Variants in MEP1A observed in about 807,000 individuals in gnomAD.
The protein encoded by MEP1A is N-benzoyl-L-tyrosyl-P-amino-benzoic acid hydrolase subunit alpha.
Under a neutral mutation model 84.5 loss-of-function variants are expected in MEP1A, and 68 were observed. The observed-to-expected ratio is 0.80, with a 90% CI of 0.66 to 0.98. MEP1A has a LOEUF of 0.98. Among genes scored for constraint, MEP1A ranks in the 50% least tolerant of loss-of-function variants. The pLI, the probability that MEP1A is intolerant of heterozygous loss-of-function variation, is 0.00. For synonymous variants in MEP1A, 337 were observed against 336.8 expected, an observed-to-expected ratio of 1.00 and a Z score of -0.01; for missense variants, 887 against 919.9, an observed-to-expected ratio of 0.96 and a Z score of 0.46.
At chr6:46,819,022 G>A (rs1452400619) in intron 6 of MEP1A, among the ~76,000 whole-genome samples, 1 of 152,096 alleles carries the variant, frequency 6.6e-6, no homozygotes, top group Non-Finnish European at 1.5e-5. Flanking sequence ...GGAGGCTGAG[G>A]TGGGAAGATC....
rs542793162 is a variant in MEP1A, at chr6:46,815,637, G to T, written c.381-3892G>T. Among the ~76,000 whole-genome samples the T allele has an allele frequency of 5.3e-5, 8 of 152,242 alleles. No individual in the cohort carries two copies. The East Asian group carries it at 1.4e-3, about 26-fold the overall frequency. On this transcript the variant is annotated intron_variant, in intron 6 of 13. Transcript: ENST00000230588. ...GTCTTGGCTTTCCTGGTATGTTCCT[G>T]CAGTAGTTCTCGGAGCAAAAATTCA... is the stretch of plus-strand genomic sequence containing the variant.
At chr6:46,807,207 A>G (rs1767345072) in intron 5 of MEP1A, among the ~76,000 whole-genome samples, 1 of 151,946 alleles carries the variant, frequency 6.6e-6, no homozygotes, top group Admixed American at 6.6e-5. Flanking sequence ...CTCTTCTTAT[A>G]TTATTTGATC....
intron 6 of MEP1A, among the ~76,000 whole-genome samples, chr6:46,813,584 A>G (rs570014726): frequency 1.3e-5 from 2 of 152,084 alleles, no homozygotes; most frequent in East Asian, 1.9e-4. Flanking sequence ...TATTCTATAC[A>G]TTGTGCAATT....
chr6:46,824,843 T>TTA lies in MEP1A; in HGVS notation c.557-420_557-419dup, dbSNP rs1234322165. On this transcript the variant is annotated intron_variant, in intron 7 of 13. Coordinates refer to ENST00000230588, the MANE Select transcript of MEP1A (RefSeq NM_005588.3). ...TTAGATGTATTTAAATATATATAAA[T>TTA]TATATATATAAATTATATATTTAAA... Among the ~76,000 whole-genome samples, 4 of 72,958 alleles carry TTA rather than the reference T, an allele frequency of 5.5e-5. No homozygotes were observed. In the East Asian group the frequency reaches 9.3e-4, roughly 17 times the overall value. 47.9% of individuals were successfully genotyped at this position (72,958 alleles called of 152,430 possible).
intron 6 of MEP1A, 31 bp downstream of exon 6, chr6:46,809,568 A>G (rs777260369): frequency 2.8e-6 from 4 of 1,427,340 alleles, no homozygotes; most frequent in South Asian, 2.4e-5. Flanking sequence ...AGTGAAAATC[A>G]TGCATACTTT....
intron 5 of MEP1A, among the ~76,000 whole-genome samples, chr6:46,802,511 C>T (rs760718647): frequency 6.6e-6 from 1 of 151,570 alleles, no homozygotes; most frequent in Non-Finnish European, 1.5e-5. Context: ...TTCTTCTTGC[C>T]TTTTAATATA....
chr6:46,830,510 C>G (rs1264652035), intron 10 of MEP1A, among the ~76,000 whole-genome samples: 1 of 151,970 alleles, frequency 6.6e-6, no homozygotes, highest in African/African-American at 2.4e-5. Context: ...AGTAAGAAAG[C>G]CTGTCTCCCT....
intron 3 of MEP1A, among the ~76,000 whole-genome samples, chr6:46,795,922 G>A (rs941499097): frequency 2.6e-5 from 4 of 152,126 alleles, no homozygotes; most frequent in African/African-American, 9.7e-5. Context: ...TAGAAATGCA[G>A]CATTTGAGGA....
At chr6:46,806,608 C>T (rs998167397) in intron 5 of MEP1A, among the ~76,000 whole-genome samples, 1 of 151,996 alleles carries the variant, frequency 6.6e-6, no homozygotes, top group Non-Finnish European at 1.5e-5. Flanking sequence ...ATGGCTACTA[C>T]CTACTGAGGG....
intron 13 of MEP1A, among the ~76,000 whole-genome samples, chr6:46,836,789 AGGGATTTTT>A: frequency 8.4e-6 from 1 of 119,340 alleles, no homozygotes; most frequent in African/African-American, 3.2e-5. Flanking sequence ...ATTACTGGTC[AGGGATTTTT>A]TTTTTTTTTT....
chr6:46,829,563 C>T lies in MEP1A; in HGVS notation c.1136C>T (p.Thr379Ile). The change falls in exon 10 of 14, where the codon ACT becomes ATT. Residue 379 changes from threonine (T) to isoleucine (I), a missense_variant. Transcript: ENST00000230588. ...GTTCGCAAGTTGGTGAAGGTGCAGA[C>T]TTTTCAAGGTACTTAGAGGCATTCA... Reference protein sequence around the residue: ...GNVRKLVKVQTFQGDDDHNWK... With the variant: ...GNVRKLVKVQIFQGDDDHNWK... 1 of 1,613,404 alleles carries T rather than the reference C, an allele frequency of 6.2e-7. No homozygotes were observed. The highest frequency in any genetic ancestry group is 1.3e-5 in the African/African-American group (1 of 75,036).
intron 5 of MEP1A, among the ~76,000 whole-genome samples, chr6:46,802,135 A>C (rs918661906): frequency 2.0e-5 from 3 of 151,940 alleles, no homozygotes; most frequent in African/African-American, 7.2e-5. Flanking sequence ...TGGGATTTTG[A>C]TAGGAATGTG....
chr6:46,799,191 A>G lies in MEP1A; in HGVS notation c.262+10A>G. The G allele has an allele frequency of 1.3e-6, 2 of 1,566,426 alleles. No homozygotes were observed. The highest frequency in any genetic ancestry group is 8.8e-7 in the Non-Finnish European group (1 of 1,136,628). On this transcript the variant is annotated intron_variant, in intron 5 of 13. Transcript: ENST00000230588. ...TTGGCTGATAATTTGGGTAATATTAATTGTTCTTAATTAGGAAGTTTCAGT... is the reference window on the plus strand; with the variant it reads ...TTGGCTGATAATTTGGGTAATATTAGTTGTTCTTAATTAGGAAGTTTCAGT...
At chr6:46,842,734 TC>T (rs1768355755), downstream of MEP1A, among the ~76,000 whole-genome samples, 1 of 152,214 alleles carries the variant, frequency 6.6e-6, no homozygotes, top group African/African-American at 2.4e-5. Context: ...GTATACCCCC[TC>T]CCCTTTTAAA....
chr6:46,816,707 G>A (rs533721500), intron 6 of MEP1A, among the ~76,000 whole-genome samples: 7 of 152,212 alleles, frequency 4.6e-5, no homozygotes, highest in East Asian at 1.9e-4. Flanking sequence ...TTCATGTCAG[G>A]AGCTTTTCAT....
intron 5 of MEP1A, among the ~76,000 whole-genome samples, chr6:46,807,823 G>C (rs993984409): frequency 6.7e-6 from 1 of 149,014 alleles, no homozygotes; most frequent in East Asian, 1.9e-4. Context: ...AAGAAAGAAA[G>C]AAAGAAAGAA....
intron 9 of MEP1A, among the ~76,000 whole-genome samples, chr6:46,826,799 G>A (rs78285458): frequency 1.3e-5 from 2 of 152,154 alleles, no homozygotes; most frequent in South Asian, 2.1e-4. Flanking sequence ...GAAATATAAT[G>A]TGAGTCACAT....
rs754853216 is a variant in MEP1A, at chr6:46,833,118, G to T, written c.1189G>T (p.Glu397Ter). The part of the protein sequence containing the change: ...NWKIAHVVLK[E>*]EQKFRYLFQG... Reference sequence around the variant, plus strand: ...GAAAATTGCCCATGTGGTGCTCAAAGAGGAACAGAAGTTTCGCTACCTTTT... The same window carrying T: ...GAAAATTGCCCATGTGGTGCTCAAATAGGAACAGAAGTTTCGCTACCTTTT... Residue 397 changes from glutamate (E) to a stop codon, truncating the protein, a stop_gained, in exon 11 of 14, where the codon GAG (glutamate) becomes TAG (stop). Coordinates refer to ENST00000230588, the MANE Select transcript of MEP1A (RefSeq NM_005588.3). LOFTEE classifies it high-confidence loss of function. 1.3e-6 allele frequency: 2 copies of T among 1,543,234 alleles called. No individual in the cohort carries two copies. The highest frequency in any genetic ancestry group is 1.7e-6 in the Non-Finnish European group (2 of 1,149,644).
At chr6:46,827,195 G>T (rs1181193535) in intron 9 of MEP1A, among the ~76,000 whole-genome samples, 1 of 152,186 alleles carries the variant, frequency 6.6e-6, no homozygotes, top group East Asian at 1.9e-4. Flanking sequence ...TTGAAATATA[G>T]CTTCACCACT....
Sources: allele counts gnomAD v4.1 joint callset (sites outside exome capture counted in the v4.1 genomes callset), GRCh38; gene constraint gnomAD v4.1.1; transcripts MANE v1.5; gene names NCBI Gene and HGNC (gene_info 2026-07-23, HGNC 2026-07-21).